Variants in ARHGAP24 observed in about 807,000 individuals in gnomAD.
ARHGAP24 encodes the protein Rho GTPase activating protein 24, also known as rho GTPase-activating protein 24.
A neutral mutation model predicts 76.4 loss-of-function variants in ARHGAP24; 50 were observed. The ratio of observed to expected loss-of-function variants is 0.65; its 90% confidence interval spans 0.52 to 0.83. The LOEUF (loss-of-function observed/expected upper bound fraction) is 0.83, where lower values mean the gene tolerates loss of function less well. Ranked by LOEUF, ARHGAP24 falls within the 40% of genes least tolerant of loss-of-function variation. ARHGAP24 has a pLI of 0.00. For missense variants in ARHGAP24, 930 were observed against 914.2 expected, an observed-to-expected ratio of 1.02 and a Z score of -0.22; for synonymous variants, 345 against 323.3, an observed-to-expected ratio of 1.07 and a Z score of -0.72.
At chr4:85,676,627 G>T (rs899683804) in intron 2 of ARHGAP24, among the ~76,000 whole-genome samples, 1 of 152,028 alleles carries the variant, frequency 6.6e-6, no homozygotes, top group Non-Finnish European at 1.5e-5. Flanking sequence ...TGGTCCTTTT[G>T]GCTCCCAAGG....
At chr4:85,853,970 C>CA (rs70948760) in intron 3 of ARHGAP24, among the ~76,000 whole-genome samples, 38 of 148,352 alleles carry the variant, frequency 2.6e-4, no homozygotes, top group South Asian at 1.3e-3. Flanking sequence ...AACAAAAAGA[C>CA]AAAAAAAAAC....
At chr4:85,869,868 G>A (rs1276641455) in intron 3 of ARHGAP24, among the ~76,000 whole-genome samples, 1 of 152,134 alleles carries the variant, frequency 6.6e-6, no homozygotes, top group Non-Finnish European at 1.5e-5. Context: ...CTGGAGGTCA[G>A]CTTATTATAC....
chr4:85,613,681 T>C (rs1720463600), intron 2 of ARHGAP24, among the ~76,000 whole-genome samples: 1 of 152,212 alleles, frequency 6.6e-6, no homozygotes, highest in African/African-American at 2.4e-5. Flanking sequence ...ATTTTTAATA[T>C]ACTAGCCAGG....
At chr4:85,509,547 A>C (rs1724197297) in intron 1 of ARHGAP24, among the ~76,000 whole-genome samples, 1 of 152,044 alleles carries the variant, frequency 6.6e-6, no homozygotes. Context: ...TAGCACAGAA[A>C]GTTGAAATGA....
At chr4:85,493,270 G>A (rs535510476) in intron 1 of ARHGAP24, among the ~76,000 whole-genome samples, 3 of 152,296 alleles carry the variant, frequency 2.0e-5, no homozygotes, top group Non-Finnish European at 2.9e-5. Flanking sequence ...CTATGTAAAT[G>A]ACCAGTTTTT....
At chr4:85,735,758 A>T (rs1475233750) in intron 3 of ARHGAP24, among the ~76,000 whole-genome samples, 1 of 151,876 alleles carries the variant, frequency 6.6e-6, no homozygotes, top group Non-Finnish European at 1.5e-5. Context: ...TCTTCCATAC[A>T]CTGTAGCCAG....
chr4:85,922,937 A>G (rs1735809020), intron 3 of ARHGAP24, among the ~76,000 whole-genome samples: 1 of 152,168 alleles, frequency 6.6e-6, no homozygotes, highest in South Asian at 2.1e-4. Flanking sequence ...TACTAGAGAA[A>G]CCATCAAGAT....
At chr4:86,000,334 C>A (rs1233062597) in intron 9 of ARHGAP24, 145 bp from the exon 10 acceptor site, 3 of 692,236 alleles carry the variant, frequency 4.3e-6, no homozygotes, top group Non-Finnish European at 7.6e-6. Flanking sequence ...TCCTTTAAAT[C>A]ATTGAAAGGG....
At chr4:85,982,885 A>G (rs1020172796) in intron 8 of ARHGAP24, among the ~76,000 whole-genome samples, 6 of 152,106 alleles carry the variant, frequency 3.9e-5, no homozygotes, top group African/African-American at 1.4e-4. Context: ...TATTAAGCCC[A>G]GCATCCATCA....
At chr4:85,885,521 G>T (rs2148772966) in intron 3 of ARHGAP24, among the ~76,000 whole-genome samples, 1 of 152,132 alleles carries the variant, frequency 6.6e-6, no homozygotes, top group Non-Finnish European at 1.5e-5. Context: ...TCGTCTTTTT[G>T]AAAGGTTATT....
At chr4:85,598,746 GTT>G (rs1195616574) in intron 2 of ARHGAP24, among the ~76,000 whole-genome samples, 1 of 133,226 alleles carries the variant, frequency 7.5e-6, no homozygotes. Context: ...GTTTTGTTTT[GTT>G]TTTTTTTTTT....
intron 1 of ARHGAP24, among the ~76,000 whole-genome samples, chr4:85,511,439 T>TTTATTTTATTTTA (rs527645748): frequency 4.0e-5 from 6 of 151,560 alleles, no homozygotes; most frequent in Non-Finnish European, 5.9e-5. Context: ...CTGTCTTTAT[T>TTTATTTTATTTTA]TTATTTTATT....
At chr4:85,651,945 T>C (rs1341436664) in intron 2 of ARHGAP24, among the ~76,000 whole-genome samples, 1 of 152,174 alleles carries the variant, frequency 6.6e-6, no homozygotes, top group African/African-American at 2.4e-5. Flanking sequence ...CAAAAATTTT[T>C]GATAGCGAAC....
chr4:85,592,319 C>G (rs530835231), intron 2 of ARHGAP24, among the ~76,000 whole-genome samples: 1 of 152,166 alleles, frequency 6.6e-6, no homozygotes, highest in Admixed American at 6.5e-5. Context: ...TTGGAAATGC[C>G]TATTCAGATT....
intron 2 of ARHGAP24, among the ~76,000 whole-genome samples, chr4:85,626,547 A>G (rs1016110064): frequency 2.6e-5 from 4 of 152,094 alleles, no homozygotes; most frequent in Middle Eastern, 6.8e-3. Context: ...TCTGACAATT[A>G]TGTGTCTTGG....
intron 1 of ARHGAP24, among the ~76,000 whole-genome samples, chr4:85,506,087 G>A (rs2110102381): frequency 6.6e-6 from 1 of 152,236 alleles, no homozygotes; most frequent in Non-Finnish European, 1.5e-5. Flanking sequence ...GAACAGCGAA[G>A]TCTGCTGCCT....
Position 85,839,903 on chromosome 4 carries a change from G to A in ARHGAP24, c.269-83745G>A, listed in dbSNP as rs544455216. Among the ~76,000 whole-genome samples the A allele has an allele frequency of 4.6e-5, 6 of 129,680 alleles. No homozygotes were observed. In the East Asian group the frequency reaches 9.8e-4, roughly 21 times the overall value. The allele number at this position is 129,680 out of a possible 152,430, so 85.1% of individuals were successfully genotyped here. Reference sequence around the variant, plus strand: ...CTTGCTCTATCACCCAGGCTGGAGTGCAGTGGCGCAACCTTGGCTCACTGC... The same window carrying A: ...CTTGCTCTATCACCCAGGCTGGAGTACAGTGGCGCAACCTTGGCTCACTGC... On this transcript the variant is annotated intron_variant, in intron 3 of 9. Coordinates refer to ENST00000395184, the MANE Select transcript of ARHGAP24 (RefSeq NM_001025616.3).
chr4:85,531,511 G>T (rs1451577219), intron 1 of ARHGAP24, among the ~76,000 whole-genome samples: 3 of 151,962 alleles, frequency 2.0e-5, no homozygotes, highest in Non-Finnish European at 2.9e-5. Flanking sequence ...CTGACTTAAG[G>T]CTGATCATTG....
intron 1 of ARHGAP24, among the ~76,000 whole-genome samples, chr4:85,489,564 A>C (rs1723278034): frequency 6.6e-6 from 1 of 152,152 alleles, no homozygotes; most frequent in South Asian, 2.1e-4. Context: ...CAGACTCTTC[A>C]TCTGGAGCAA....
Sources: allele counts gnomAD v4.1 joint callset (sites outside exome capture counted in the v4.1 genomes callset), GRCh38; gene constraint gnomAD v4.1.1; transcripts MANE v1.5; gene names NCBI Gene and HGNC (gene_info 2026-07-23, HGNC 2026-07-21).